Variants in HIC1 observed in about 807,000 individuals in gnomAD.
The protein encoded by HIC1 is hypermethylated in cancer 1 protein.
A neutral mutation model predicts 26.4 loss-of-function variants in HIC1; 9 were observed. That is an observed-to-expected ratio of 0.34 (90% CI 0.21 to 0.59). The LOEUF (loss-of-function observed/expected upper bound fraction) is 0.59. HIC1 is among the 20% of genes least tolerant of loss of function. The pLI, the probability that HIC1 is intolerant of heterozygous loss-of-function variation, is 0.82. For synonymous variants in HIC1, 631 were observed against 523.1 expected (o/e 1.21, Z -2.81); for missense variants, 965 against 1,075.7 (o/e 0.90, Z 1.44).
intron 1 of HIC1, chr17:2,056,461 C>T: frequency 3.7e-6 from 5 of 1,349,364 alleles, no homozygotes; most frequent in Non-Finnish European, 5.3e-6. Flanking sequence ...CCACCGGCGG[C>T]CGCTCACCTC....
At position 2,058,930 on chromosome 17, in the gene HIC1, G is replaced by A; in HGVS notation, c.*95G>A. 8.8e-7 allele frequency: 1 copy of A among 1,132,750 alleles called. No homozygotes were observed. The highest frequency in any genetic ancestry group is 1.2e-6 in the Non-Finnish European group (1 of 851,602). The allele number at this position is 1,132,750 out of a possible 1,614,324, so 70.2% of individuals were successfully genotyped here. Reference sequence around the variant, plus strand: ...CGGCGCGCAGGGCCCACTGTGCCCGGGACAACCGCAGCGTCGCCACAGTGG... The same window carrying A: ...CGGCGCGCAGGGCCCACTGTGCCCGAGACAACCGCAGCGTCGCCACAGTGG... On this transcript the variant is annotated 3_prime_UTR_variant, in exon 2 of 2. Coordinates refer to ENST00000619757, the MANE Select transcript of HIC1 (RefSeq NM_006497.4).
chr17:2,058,074 G>C lies in HIC1; in HGVS notation c.1384G>C (p.Gly462Arg). The change falls in exon 2 of 2, where the codon GGC becomes CGC. Residue 462 changes from glycine (G) to arginine (R), a missense_variant. By Grantham distance (125) the Gly-to-Arg change is moderately radical. This residue lies in a region of HIC1 where 105 missense variants were observed against 101.4 expected (regional missense o/e 1.04). Transcript: ENST00000619757. ...GGCCGAAGTGGCCGCTGGGGCCGCC[G>C]GCCTAGGGCCCCCTTTTGGAGGCGG... ...EAAEVAAGAAGLGPPFGGGGD... is the reference protein window; with the variant it reads ...EAAEVAAGAARLGPPFGGGGD... 1 of 1,582,500 alleles carries C rather than the reference G, an allele frequency of 6.3e-7. No individual in the cohort carries two copies. The highest frequency in any genetic ancestry group is 8.6e-7 in the Non-Finnish European group (1 of 1,167,248).
At position 2,056,969 on chromosome 17, in the gene HIC1, G is replaced by A. The variant is rs1425053451; in HGVS notation, c.279G>A (p.Ala93=). 5 of 1,585,396 alleles carry A rather than the reference G, an allele frequency of 3.2e-6. No individual in the cohort carries two copies. Among genetic ancestry groups the A allele is most frequent in the Non-Finnish European group, 4.3e-6 (5 of 1,168,224 alleles). ...GCCGCCTGGCTGACGGCGCAGAGGC[G>A]GCTGCGGCCGCGGCCGTGGCCCCGG... ...YTGRLADGAE[A]AAAAAVAPGA... is the part of the protein sequence containing the mutation. The change falls in exon 2 of 2, where the codon GCG becomes GCA. Residue 93 remains alanine (A), a synonymous_variant. Coordinates refer to ENST00000619757, the MANE Select transcript of HIC1 (RefSeq NM_006497.4).
intron 1 of HIC1, chr17:2,056,200 G>A (rs1374388190): frequency 3.1e-6 from 3 of 961,688 alleles, no homozygotes; most frequent in Non-Finnish European, 5.0e-6. Flanking sequence ...CGGGCACCGC[G>A]CTCCCCTCCT....
In HIC1 at chr17:2,058,886, C is replaced by A; in HGVS notation, c.*51C>A. 2 of 1,344,344 alleles carry A rather than the reference C, an allele frequency of 1.5e-6. No individual in the cohort carries two copies. Among genetic ancestry groups the A allele is most frequent in the Non-Finnish European group, 1.9e-6 (2 of 1,039,722 alleles). The allele number at this position is 1,344,344 out of a possible 1,614,324, so 83.3% of individuals were successfully genotyped here. A position where few individuals can be genotyped will look rare whatever the true frequency, so the allele number is the denominator to read the frequency against. On this transcript the variant is annotated 3_prime_UTR_variant, in exon 2 of 2. Transcript: ENST00000619757. ...CGCTGCTGCGCGGCCCTGGCCCGCA[C>A]CCCAGGGAGCGGCGGGGGCGGCGCG...
In HIC1 at chr17:2,055,976, C is replaced by A. The variant is rs1365603097; in HGVS notation, c.-20-695C>A. 6.9e-6 allele frequency among the ~76,000 whole-genome samples: 1 copy of A among 144,044 alleles called. No individual in the cohort carries two copies. Among genetic ancestry groups the A allele is most frequent in the East Asian group, 2.2e-4 (1 of 4,508 alleles). The allele number at this position is 144,044 out of a possible 152,430, so 94.5% of individuals were successfully genotyped here. A position where few individuals can be genotyped will look rare whatever the true frequency, so the allele number is the denominator to read the frequency against. ...GGCTGTGCGCCGTGCCCGCCCGGGG[C>A]GCTGCCCCCTCCCTCCCCTGGGAGC... is the stretch of plus-strand genomic sequence containing the variant. On this transcript the variant is annotated intron_variant, in intron 1 of 1. Coordinates refer to ENST00000619757, the MANE Select transcript of HIC1 (RefSeq NM_006497.4). This position sits in a 1 kb window ranked among gnomAD's most constrained non-coding sequence, Gnocchi z 6.4.
intron 1 of HIC1, 169 bp from the exon 2 acceptor site, chr17:2,056,502 C>T: frequency 7.5e-7 from 1 of 1,335,510 alleles, no homozygotes; most frequent in Non-Finnish European, 1.0e-6. Context: ...GGCGGGCCGG[C>T]CTGGGCTCCC....
In HIC1 at chr17:2,062,224, T is replaced by C. The variant is rs1439161781; in HGVS notation, c.*3389T>C. The C allele has an allele frequency of 1.3e-5, 2 of 152,544 alleles. No individual in the cohort carries two copies. Among genetic ancestry groups the C allele is most frequent in the Non-Finnish European group, 2.9e-5 (2 of 68,360 alleles). The allele number at this position is 152,544 out of a possible 1,614,324, so 9.4% of individuals were successfully genotyped here. A position where few individuals can be genotyped will look rare whatever the true frequency, so the allele number is the denominator to read the frequency against. The stretch of plus-strand genomic sequence containing the variant: ...TGGCCAACCGGTCGCCCCTGCTAAG[T>C]AACAGTAATCCATGTATACAGGCGA... On this transcript the variant is annotated 3_prime_UTR_variant, in exon 2 of 2. Coordinates refer to ENST00000619757, the MANE Select transcript of HIC1 (RefSeq NM_006497.4).
intron 1 of HIC1, chr17:2,056,379 A>G (rs1215700611): frequency 6.2e-7 from 1 of 1,605,884 alleles, no homozygotes; most frequent in Non-Finnish European, 8.5e-7. Flanking sequence ...CTGCGCCTGA[A>G]CAGTTTTCTT....
chr17:2,058,077 C>T lies in HIC1; in HGVS notation c.1387C>T (p.Leu463=), dbSNP rs2067692072. 3 of 1,584,986 alleles carry T rather than the reference C, an allele frequency of 1.9e-6. No homozygotes were observed. In the African/African-American group the frequency reaches 4.0e-5, roughly 21 times the overall value. The change falls in exon 2 of 2, where the codon CTA becomes TTA. Residue 463 remains leucine, a synonymous_variant. Transcript: ENST00000619757. ...AAEVAAGAAG[L]GPPFGGGGDK... ...CGAAGTGGCCGCTGGGGCCGCCGGC[C>T]TAGGGCCCCCTTTTGGAGGCGGCGG...
chr17:2,057,795 G>C lies in HIC1; in HGVS notation c.1105G>C (p.Gly369Arg). 6.5e-7 allele frequency: 1 copy of C among 1,536,924 alleles called. No homozygotes were observed. The highest frequency in any genetic ancestry group is 8.7e-7 in the Non-Finnish European group (1 of 1,146,228). The change falls in exon 2 of 2, where the codon GGC (glycine) becomes CGC (arginine). Residue 369 changes from glycine (G) to arginine (R), a missense_variant. Coordinates refer to ENST00000619757, the MANE Select transcript of HIC1 (RefSeq NM_006497.4). Reference protein sequence around the residue: ...PRYPGSLDGPGAGGDGDDYKS... With the variant: ...PRYPGSLDGPRAGGDGDDYKS... ...CTACCCTGGCAGCCTGGACGGGCCC[G>C]GCGCGGGCGGCGACGGCGACGACTA...
rs2067679714 is a variant in HIC1 at position 2,057,119 on chromosome 17, C to A, written c.429C>A (p.Gly143=). The A allele has an allele frequency of 8.4e-6, 11 of 1,310,230 alleles. No homozygotes were observed. The highest frequency in any genetic ancestry group is 6.2e-5 in the African/African-American group (4 of 64,332). The allele number at this position is 1,310,230 out of a possible 1,614,324, so 81.2% of individuals were successfully genotyped here. A position where few individuals can be genotyped will look rare whatever the true frequency, so the allele number is the denominator to read the frequency against. Residue 143 remains glycine (G), a synonymous_variant, in exon 2 of 2, where the codon GGC becomes GGA. Coordinates refer to ENST00000619757, the MANE Select transcript of HIC1 (RefSeq NM_006497.4). ...AGTACTGCCACCTGCGGGGCGGCGGCGGCGGCGGCGGCGGCTACGCGCCCT... is the reference window on the plus strand; with the variant it reads ...AGTACTGCCACCTGCGGGGCGGCGGAGGCGGCGGCGGCGGCTACGCGCCCT... ...HGKYCHLRGG[G]GGGGGYAPYG...
In HIC1 at chr17:2,056,859, G is replaced by T. The variant is rs1212291603; in HGVS notation, c.169G>T (p.Val57Leu). Residue 57 changes from valine (V) to leucine (L), a missense_variant, in exon 2 of 2, where the codon GTG becomes TTG. By Grantham distance (32) the Val-to-Leu change is conservative (BLOSUM62 1). This residue lies in a region of HIC1 where 64 missense variants were observed against 114.0 expected (regional missense o/e 0.56). Transcript: ENST00000619757. Reference protein sequence around the residue: ...AASSAYLKSLVVHDNLLNLDH... With the variant: ...AASSAYLKSLLVHDNLLNLDH... ...CAGCAGCGCCTACCTCAAGTCCCTG[G>T]TGGTGCATGACAACCTGCTCAACCT... 1 of 1,612,854 alleles carries T rather than the reference G, an allele frequency of 6.2e-7. No individual in the cohort carries two copies. Among genetic ancestry groups the T allele is most frequent in the Non-Finnish European group, 8.5e-7 (1 of 1,179,946 alleles).
In HIC1 at chr17:2,059,729, G is replaced by A. The variant is rs2067719722; in HGVS notation, c.*894G>A. The A allele has an allele frequency of 6.0e-6, 1 of 167,108 alleles. No homozygotes were observed. The highest frequency in any genetic ancestry group is 2.4e-5 in the African/African-American group (1 of 41,472). The allele number at this position is 167,108 out of a possible 1,614,324, so 10.4% of individuals were successfully genotyped here. ...CTCTTCTGCCCCTGCACAAGGACCT[G>A]GATGGGCTGCGCCCGCTGGGTGGAG... On this transcript the variant is annotated 3_prime_UTR_variant, in exon 2 of 2. Transcript: ENST00000619757.
chr17:2,056,024 C>A (rs1385070206), intron 1 of HIC1, among the ~76,000 whole-genome samples: 1 of 147,712 alleles, frequency 6.8e-6, no homozygotes, highest in African/African-American at 2.5e-5. Flanking sequence ...CCCTCCCCCC[C>A]ACCTGCTTCC....
At position 2,055,737 on chromosome 17, in the gene HIC1, C is replaced by G. The variant is rs896322864; in HGVS notation, c.-21+499C>G. Among the ~76,000 whole-genome samples the G allele has an allele frequency of 4.6e-5, 7 of 151,714 alleles. No homozygotes were observed. On this transcript the variant is annotated intron_variant, in intron 1 of 1. Transcript: ENST00000619757. This position sits in a 1 kb window ranked among gnomAD's most constrained non-coding sequence, Gnocchi z 6.4. ...CGGGCTCTGCCGCCGGATTTGGGGGCCGCGAGGAAGAGCTGCGAGCCGAGG... is the reference window on the plus strand; with the variant it reads ...CGGGCTCTGCCGCCGGATTTGGGGGGCGCGAGGAAGAGCTGCGAGCCGAGG...
At position 2,057,504 on chromosome 17, in the gene HIC1, C is replaced by T. The variant is rs2067683504; in HGVS notation, c.814C>T (p.Pro272Ser). The change falls in exon 2 of 2, where the codon CCG becomes TCG. Residue 272 changes from proline to serine, a missense_variant. Transcript: ENST00000619757. Reference sequence around the variant, plus strand: ...GCCTCTCGCCCTGCCGTCGCTGCCGCCGCTGCCCTTCCAGAAGCTGGAGGA... The same window carrying T: ...GCCTCTCGCCCTGCCGTCGCTGCCGTCGCTGCCCTTCCAGAAGCTGGAGGA... ...EPPLALPSLP[P>S]LPFQKLEEAA... The T allele has an allele frequency of 1.3e-6, 2 of 1,489,720 alleles. No individual in the cohort carries two copies. Among genetic ancestry groups the T allele is most frequent in the Non-Finnish European group, 1.8e-6 (2 of 1,125,868 alleles). 92.3% of individuals were successfully genotyped at this position (1,489,720 alleles called of 1,614,324 possible). A position where few individuals can be genotyped will look rare whatever the true frequency, so the allele number is the denominator to read the frequency against.
rs558460753 is a variant in HIC1 at position 2,058,052 on chromosome 17, C to T, written c.1362C>T (p.Ala454=). The T allele has an allele frequency of 2.9e-5, 46 of 1,583,328 alleles. No individual in the cohort carries two copies. The highest frequency in any genetic ancestry group is 1.4e-4 in the Admixed American group (8 of 55,270). The change falls in exon 2 of 2, where the codon GCC becomes GCT. Residue 454 remains alanine (A), a synonymous_variant. Transcript: ENST00000619757. ...CGCTGTACGGCAGGGCCGAGGCGGCCGAAGTGGCCGCTGGGGCCGCCGGCC... is the reference window on the plus strand; with the variant it reads ...CGCTGTACGGCAGGGCCGAGGCGGCTGAAGTGGCCGCTGGGGCCGCCGGCC... ...EEALYGRAEA[A]EVAAGAAGLG... is the part of the protein sequence containing the mutation.
At chr17:2,056,500 G>A (rs1360639914) in intron 1 of HIC1, 171 bp from the exon 2 acceptor site, 1 of 1,339,828 alleles carries the variant, frequency 7.5e-7, no homozygotes, top group Non-Finnish European at 1.0e-6. Flanking sequence ...CGGGCGGGCC[G>A]GCCTGGGCTC....
Sources: gnomAD v4.1 joint callset for allele counts (sites outside exome capture counted in the v4.1 genomes callset) on GRCh38, gnomAD v4.1.1 for gene constraint, gnomAD v4.1.1 regional missense constraint, Gnocchi (gnomAD v3.1) non-coding constraint, MANE v1.5 for transcripts, NCBI Gene and HGNC (gene_info 2026-07-23, HGNC 2026-07-21) for gene names.